Variants in MTBP observed in about 807,000 individuals in gnomAD.
The protein encoded by MTBP is MDM2 binding protein.
A neutral mutation model predicts 117.0 loss-of-function variants in MTBP; 101 were observed. That is an observed-to-expected ratio of 0.86 (90% CI 0.73 to 1.02). MTBP has a LOEUF of 1.02. MTBP is among the 50% of genes least tolerant of loss of function. MTBP has a pLI of 0.00. For synonymous variants in MTBP, 350 were observed against 351.5 expected (o/e 1.00, Z 0.05); for missense variants, 970 against 1,030.9 (o/e 0.94, Z 0.81).
At chr8:120,507,147 TA>T (rs1021001669) in intron 16 of MTBP, among the ~76,000 whole-genome samples, 4 of 151,950 alleles carry the variant, frequency 2.6e-5, no homozygotes, top group Admixed American at 1.3e-4. Flanking sequence ...CAATGCTTTC[TA>T]AAAAAAATAG....
At chr8:120,480,827 G>T (rs979202850) in intron 11 of MTBP, among the ~76,000 whole-genome samples, 1 of 152,030 alleles carries the variant, frequency 6.6e-6, no homozygotes, top group Non-Finnish European at 1.5e-5. Flanking sequence ...ATTAGAAAAA[G>T]AAAACAAATT....
At chr8:120,459,922 A>G (rs1465444604) in intron 8 of MTBP, among the ~76,000 whole-genome samples, 1 of 152,148 alleles carries the variant, frequency 6.6e-6, no homozygotes, top group Non-Finnish European at 1.5e-5. Context: ...AATGCAAGTA[A>G]TTATAAAATA....
At chr8:120,523,162 T>TTAAGTA in intron 21 of MTBP, 136 bp from the exon 22 acceptor site, 2 of 629,244 alleles carry the variant, frequency 3.2e-6, no homozygotes, top group Non-Finnish European at 5.6e-6. Flanking sequence ...AAATGTGTAT[T>TTAAGTA]TAAGTATAAG....
chr8:120,497,288 T>C, intron 13 of MTBP, 105 bp from the exon 14 acceptor site: 1 of 991,088 alleles, frequency 1.0e-6, no homozygotes. Context: ...GTTGATTTAC[T>C]AGAGAAATTC....
rs1456591244 is a variant in MTBP at position 120,490,468 on chromosome 8, C to T, written c.1345C>T (p.Pro449Ser). ...TTTTTTTTCTTATTTCTCAGGTTTT[C>T]CTTTTGACTTATTATCACTTCCACA... ...TKTEEAKLSFPFDLLSLPHFS... is the reference protein window; with the variant it reads ...TKTEEAKLSFSFDLLSLPHFS... The change falls in exon 13 of 22, where the codon CCT becomes TCT. Residue 449 changes from proline (P) to serine (S), a missense_variant. Transcript: ENST00000305949. 6.3e-7 allele frequency: 1 copy of T among 1,589,258 alleles called. No individual in the cohort carries two copies. Among genetic ancestry groups the T allele is most frequent in the East Asian group, 2.3e-5 (1 of 44,214 alleles).
chr8:120,488,163 A>G lies in MTBP; in HGVS notation c.1170A>G (p.Pro390=), dbSNP rs760210407. The change falls in exon 12 of 22, where the codon CCA becomes CCG. Residue 390 remains proline (P), a synonymous_variant. Coordinates refer to ENST00000305949, the MANE Select transcript of MTBP (RefSeq NM_022045.5). ...AAGATAATTGTTTTTGTTTAGTTCC[A>G]GATGTTGAAGTGAAAGGAGAGTGTT... The part of the protein sequence containing the change: ...IAKKPKTISV[P]DVEVKGECSS... The G allele has an allele frequency of 9.5e-6, 15 of 1,583,956 alleles. No homozygotes were observed. The East Asian group carries it at 3.0e-4, about 32-fold the overall frequency.
At chr8:120,462,548 A>G (rs1462612019) in intron 9 of MTBP, among the ~76,000 whole-genome samples, 1 of 152,188 alleles carries the variant, frequency 6.6e-6, no homozygotes, top group East Asian at 1.9e-4. Context: ...TATCCATTAT[A>G]CATTACTGTT....
intron 13 of MTBP, among the ~76,000 whole-genome samples, chr8:120,491,180 A>G (rs769298932): frequency 6.6e-5 from 10 of 152,090 alleles, no homozygotes; most frequent in Non-Finnish European, 1.0e-4. Flanking sequence ...GAACTTATTT[A>G]TGGTTATGTA....
rs1586958573 is a variant in MTBP, at chr8:120,488,387, A to G, written c.1339+55A>G. 3.7e-6 allele frequency: 5 copies of G among 1,336,086 alleles called. No individual in the cohort carries two copies. The East Asian group carries it at 1.4e-4, about 37-fold the overall frequency. 82.8% of individuals were successfully genotyped at this position (1,336,086 alleles called of 1,614,324 possible). The stretch of plus-strand genomic sequence containing the variant: ...GTTTACATTGTTTGTGTGTGTGGTT[A>G]GCATATGTGGCTTTAAGTAGAAGAA... On this transcript the variant is annotated intron_variant, in intron 12 of 21. Coordinates refer to ENST00000305949, the MANE Select transcript of MTBP (RefSeq NM_022045.5).
At chr8:120,509,818 A>G (rs1751774180) in intron 16 of MTBP, 116 bp from the exon 17 acceptor site, 4 of 654,076 alleles carry the variant, frequency 6.1e-6, no homozygotes, top group Non-Finnish European at 1.0e-5. Context: ...CCTTTGTCCC[A>G]TATAAAATTC....
chr8:120,464,922 A>G (rs922340713), intron 10 of MTBP, among the ~76,000 whole-genome samples: 5 of 152,140 alleles, frequency 3.3e-5, no homozygotes, highest in Middle Eastern at 3.2e-3. Context: ...TGGAACTTAC[A>G]TTTTAGGGGA....
In MTBP at chr8:120,445,459, A is replaced by G. The variant is rs1426404528; in HGVS notation, c.-12A>G. ...AGCCGAGACCTAAAGTTGGGGGGTG[A>G]TCTCTGAGGAGATGGATCGGTACCT... On this transcript the variant is annotated 5_prime_UTR_variant, in exon 1 of 22. It removes the in-frame stop codon of an upstream open reading frame in the 5' UTR. Coordinates refer to ENST00000305949, the MANE Select transcript of MTBP (RefSeq NM_022045.5). The G allele has an allele frequency of 1.2e-6, 2 of 1,609,700 alleles. No individual in the cohort carries two copies. Among genetic ancestry groups the G allele is most frequent in the Non-Finnish European group, 1.7e-6 (2 of 1,177,482 alleles).
intron 10 of MTBP, among the ~76,000 whole-genome samples, chr8:120,465,690 C>T (rs1189321665): frequency 6.3e-5 from 8 of 126,416 alleles, no homozygotes; most frequent in Middle Eastern, 6.9e-3. Flanking sequence ...GACGGAGTCT[C>T]GCTCTGTCAC....
chr8:120,461,072 C>T (rs1266072510), intron 8 of MTBP, 89 bp from the exon 9 acceptor site: 2 of 938,598 alleles, frequency 2.1e-6, no homozygotes, highest in Non-Finnish European at 3.2e-6. Context: ...TTTTTAAGAT[C>T]CATTTTAAAG....
intron 11 of MTBP, among the ~76,000 whole-genome samples, chr8:120,480,251 A>G (rs1352236616): frequency 6.8e-6 from 1 of 146,982 alleles, no homozygotes; most frequent in East Asian, 2.0e-4. Flanking sequence ...AAAAAAAACA[A>G]AAACAAAAAT....
chr8:120,521,867 G>A (rs1208053502), intron 20 of MTBP, among the ~76,000 whole-genome samples: 1 of 40,022 alleles, frequency 2.5e-5, no homozygotes, highest in Non-Finnish European at 1.3e-4. Flanking sequence ...TGCTCACGGT[G>A]GAGGATGGGA....
At chr8:120,511,507 G>A (rs1170804141) in intron 17 of MTBP, among the ~76,000 whole-genome samples, 1 of 152,088 alleles carries the variant, frequency 6.6e-6, no homozygotes, top group Non-Finnish European at 1.5e-5. Context: ...TGTTGGCCAG[G>A]CGGTCTTGAA....
In MTBP at chr8:120,482,925, T is replaced by C. The variant is rs185949385; in HGVS notation, c.1166-5234T>C. Among the ~76,000 whole-genome samples, 598 of 152,088 alleles carry C rather than the reference T, an allele frequency of 3.9e-3. 4 individuals are homozygous for C. Among genetic ancestry groups the C allele is most frequent in the African/African-American group, 0.014 (572 of 41,486 alleles). On this transcript the variant is annotated intron_variant, in intron 11 of 21. Transcript: ENST00000305949. The stretch of plus-strand genomic sequence containing the variant: ...TGTGTTAGCCAGGATGGTCTTGATC[T>C]CCTGACCTCGTGATCCATCCACCTC...
chr8:120,468,161 T>G (rs907721909), intron 10 of MTBP, among the ~76,000 whole-genome samples: 4 of 152,200 alleles, frequency 2.6e-5, no homozygotes, highest in Non-Finnish European at 5.9e-5. Flanking sequence ...ATATTTTTAT[T>G]TTTAATTTCT....
Sources: allele counts gnomAD v4.1 joint callset (sites outside exome capture counted in the v4.1 genomes callset), GRCh38; gene constraint gnomAD v4.1.1; transcripts MANE v1.5; gene names NCBI Gene and HGNC (gene_info 2026-07-23, HGNC 2026-07-21).